CUBN: variants seen among roughly 807,000 people sequenced by gnomAD.
The protein encoded by CUBN is cubilin.
A neutral mutation model predicts 405.3 loss-of-function variants in CUBN; 282 were observed. That is an observed-to-expected ratio of 0.70 (90% CI 0.63 to 0.77). The LOEUF (loss-of-function observed/expected upper bound fraction) is 0.77. Ranked by LOEUF, CUBN falls within the 30% of genes least tolerant of loss-of-function variation. The probability of loss-of-function intolerance (pLI) is 0.00; values close to 1 mark genes in which losing one functional copy is unlikely to be tolerated. For synonymous variants in CUBN, 1,684 were observed against 1,617.0 expected (o/e 1.04, Z -0.99); for missense variants, 4,514 against 4,475.2 (o/e 1.01, Z -0.25).
At chr10:17,066,200 TAA>T in intron 21 of CUBN, among the ~76,000 whole-genome samples, 1 of 152,242 alleles carries the variant, frequency 6.6e-6, no homozygotes, top group East Asian at 1.9e-4. Flanking sequence ...AGCTCACTTA[TAA>T]AGAGATAAGA....
chr10:17,009,526 A>C (rs1834120617), intron 28 of CUBN, among the ~76,000 whole-genome samples: 2 of 152,236 alleles, frequency 1.3e-5, no homozygotes, highest in Non-Finnish European at 2.9e-5. Context: ...GCCTTGGGCT[A>C]GTAAGGCTAG....
intron 27 of CUBN, among the ~76,000 whole-genome samples, chr10:17,035,403 A>C (rs182827834): frequency 1.2e-3 from 177 of 152,328 alleles, no homozygotes; most frequent in African/African-American, 4.1e-3. Context: ...GATGGCATGG[A>C]TGCTTTCAGA....
Position 17,047,493 on chromosome 10 carries a change from G to T in CUBN, c.3250C>A (p.Gln1084Lys). 1 of 1,613,870 alleles carries T rather than the reference G, an allele frequency of 6.2e-7. No individual in the cohort carries two copies. Residue 1084 changes from glutamine (Q) to lysine (K), a missense_variant, in exon 23 of 67, where the codon CAA becomes AAA. Coordinates refer to ENST00000377833, the MANE Select transcript of CUBN (RefSeq NM_001081.4). ...TTTGTGAAGTGCACTGCAATCAGTT[G>T]GCCAGTTCTCACTGTGATCCGATAA... Reference protein sequence around the residue: ...CIYRITVRTGQLIAVHFTNFS... With the variant: ...CIYRITVRTGKLIAVHFTNFS...
At chr10:16,978,612 G>A (rs1833169142) in intron 31 of CUBN, among the ~76,000 whole-genome samples, 1 of 152,160 alleles carries the variant, frequency 6.6e-6, no homozygotes. Context: ...GAGTTTTCTT[G>A]GGTTAAATTT....
chr10:16,995,805 C>A (rs1833718490), intron 28 of CUBN, among the ~76,000 whole-genome samples: 1 of 152,286 alleles, frequency 6.6e-6, no homozygotes, highest in Middle Eastern at 3.4e-3. Flanking sequence ...TATGGTAGTT[C>A]AGTTCTCAAG....
chr10:16,825,206 T>C, intron 66 of CUBN, 124 bp from the exon 67 acceptor site: 1 of 675,584 alleles, frequency 1.5e-6, no homozygotes. Flanking sequence ...TGAACCTGCA[T>C]ATATTTCTTG....
chr10:16,924,627 C>T (rs772715856), intron 43 of CUBN, among the ~76,000 whole-genome samples: 1 of 151,916 alleles, frequency 6.6e-6, no homozygotes, highest in Non-Finnish European at 1.5e-5. Flanking sequence ...TGACATTACT[C>T]CCTTTTTTTG....
At chr10:17,105,698 G>A (rs745378581) in intron 10 of CUBN, 123 bp from the exon 11 acceptor site, 20 of 691,796 alleles carry the variant, frequency 2.9e-5, no homozygotes, top group South Asian at 1.2e-4. Flanking sequence ...GTATTTTGAC[G>A]GGCAGACAAA....
At chr10:16,834,544 G>C (rs1839111650) in intron 64 of CUBN, among the ~76,000 whole-genome samples, 1 of 152,188 alleles carries the variant, frequency 6.6e-6, no homozygotes, top group Non-Finnish European at 1.5e-5. Flanking sequence ...TGTCTTTAGA[G>C]GATGTTGACG....
At chr10:17,094,152 CA>C (rs1836323383) in intron 14 of CUBN, among the ~76,000 whole-genome samples, 1 of 151,816 alleles carries the variant, frequency 6.6e-6, no homozygotes, top group Admixed American at 6.6e-5. Context: ...TATAAACACA[CA>C]ATAAAAGCAG....
At chr10:16,867,194 TAAA>T (rs1483633567) in intron 59 of CUBN, among the ~76,000 whole-genome samples, 2 of 152,318 alleles carry the variant, frequency 1.3e-5, no homozygotes, top group East Asian at 3.9e-4. Context: ...AACAGCTTTG[TAAA>T]TGAAAATCCA....
At chr10:17,122,763 T>C (rs1374729959) in intron 6 of CUBN, 32 bp downstream of exon 6, 2 of 1,272,860 alleles carry the variant, frequency 1.6e-6, no homozygotes, top group Non-Finnish European at 2.2e-6. Context: ...AAAAATATAC[T>C]GATATTTACC....
chr10:16,960,572 A>G (rs1281825289), intron 31 of CUBN, among the ~76,000 whole-genome samples: 1 of 152,360 alleles, frequency 6.6e-6, no homozygotes, highest in East Asian at 1.9e-4. Context: ...TTTAAAAAGT[A>G]CAGAACCTGG....
At chr10:17,024,194 G>A (rs1834590352) in intron 27 of CUBN, among the ~76,000 whole-genome samples, 1 of 152,132 alleles carries the variant, frequency 6.6e-6, no homozygotes, top group Non-Finnish European at 1.5e-5. Flanking sequence ...ACAAAGGGGA[G>A]GATATAACAC....
At chr10:16,846,389 C>A (rs533664603) in intron 60 of CUBN, among the ~76,000 whole-genome samples, 37 of 152,276 alleles carry the variant, frequency 2.4e-4, no homozygotes, top group African/African-American at 8.9e-4. Context: ...CGAAGACACA[C>A]TATTTTATAT....
At chr10:16,909,227 G>C (rs947894550) in intron 48 of CUBN, among the ~76,000 whole-genome samples, 2 of 152,132 alleles carry the variant, frequency 1.3e-5, no homozygotes. Flanking sequence ...ATCAAATTTA[G>C]CTCTCTGGGG....
chr10:17,102,241 A>G (rs2131298456), intron 13 of CUBN, among the ~76,000 whole-genome samples: 1 of 150,492 alleles, frequency 6.6e-6, no homozygotes, highest in Middle Eastern at 3.4e-3. Flanking sequence ...CATCTATAAA[A>G]GGAGGATCCT....
chr10:17,113,387 G>A (rs978707016), intron 8 of CUBN, among the ~76,000 whole-genome samples: 4 of 151,696 alleles, frequency 2.6e-5, no homozygotes, highest in South Asian at 4.2e-4. Context: ...GCCTACCAAT[G>A]CACCCAGCAC....
At chr10:16,898,798 T>C (rs1841270712) in intron 54 of CUBN, among the ~76,000 whole-genome samples, 198 bp downstream of exon 54, 1 of 152,168 alleles carries the variant, frequency 6.6e-6, no homozygotes, top group Non-Finnish European at 1.5e-5. Context: ...CATTTTTCCC[T>C]TTAGGATCTA....
Sources: gnomAD v4.1 joint callset for allele counts (sites outside exome capture counted in the v4.1 genomes callset) on GRCh38, gnomAD v4.1.1 for gene constraint, MANE v1.5 for transcripts, NCBI Gene and HGNC (gene_info 2026-07-23, HGNC 2026-07-21) for gene names.